The following ECPAS variants were observed in gnomAD, a reference collection of about 807,000 sequenced individuals.
ECPAS encodes proteasome adapter and scaffold protein ECM29.
Under a neutral mutation model 255.1 loss-of-function variants are expected in ECPAS, and 70 were observed. That is an observed-to-expected ratio of 0.27 (90% CI 0.23 to 0.33). The LOEUF is 0.33. Among genes scored for constraint, ECPAS ranks in the 10% least tolerant of loss-of-function variants. The pLI, the probability that ECPAS is intolerant of heterozygous loss-of-function variation, is 1.00. For synonymous variants in ECPAS, 784 were observed against 775.0 expected, an observed-to-expected ratio of 1.01 and a Z score of -0.19; for missense variants, 1,817 against 2,206.4, an observed-to-expected ratio of 0.82 and a Z score of 3.54.
chr9:111,378,348 A>G (rs2098136022), intron 36 of ECPAS, among the ~76,000 whole-genome samples: 1 of 152,160 alleles, frequency 6.6e-6, no homozygotes, highest in African/African-American at 2.4e-5. Context: ...ACAAAAAACT[A>G]TGTTAAACAA....
rs529450641 is a variant in ECPAS, at chr9:111,424,064, A to G, written c.1216-816T>C. On this transcript the variant is annotated intron_variant, in intron 12 of 49. Transcript: ENST00000684092. ...AGCTTCTCCCCAAGAGCCCCAGAAC[A>G]TTTTCATTTCTACCAATGACTCTAA... is the stretch of plus-strand genomic sequence containing the variant. Among the ~76,000 whole-genome samples, 5 of 152,228 alleles carry G rather than the reference A, an allele frequency of 3.3e-5. No homozygotes were observed. The South Asian group carries it at 8.3e-4, about 25-fold the overall frequency.
At chr9:111,463,097 T>C (rs72609710) in intron 2 of ECPAS, among the ~76,000 whole-genome samples, 12,214 of 152,150 alleles carry the variant, frequency 0.08, 574 homozygotes, top group East Asian at 0.21. Flanking sequence ...ACCCCCAAAT[T>C]TCCATGGCTT....
chr9:111,425,809 A>T lies in ECPAS; in HGVS notation c.1070T>A (p.Phe357Tyr). The change falls in exon 11 of 50, where the codon TTT becomes TAT. Residue 357 changes from phenylalanine (F) to tyrosine (Y), a missense_variant. By Grantham distance (22) the Phe-to-Tyr change is conservative. Coordinates refer to ENST00000684092, the MANE Select transcript of ECPAS (RefSeq NM_001364929.1). ...ANIQVVYDGLFGTNTNSKLRT... is the reference protein window; with the variant it reads ...ANIQVVYDGLYGTNTNSKLRT... ...TAACTTTGAATTTGTATTTGTACCAAAAAGTCCATCATACACCACCTATGT... is the reference window on the plus strand; with the variant it reads ...TAACTTTGAATTTGTATTTGTACCATAAAGTCCATCATACACCACCTATGT... The T allele has an allele frequency of 6.4e-7, 1 of 1,573,954 alleles. No homozygotes were observed. The highest frequency in any genetic ancestry group is 8.7e-7 in the Non-Finnish European group (1 of 1,147,502).
Position 111,422,199 on chromosome 9 carries a change from G to C in ECPAS, c.1267C>G (p.Arg423Gly). The C allele has an allele frequency of 6.2e-7, 1 of 1,612,116 alleles. No homozygotes were observed. Among genetic ancestry groups the C allele is most frequent in the Non-Finnish European group, 8.5e-7 (1 of 1,178,802 alleles). The change falls in exon 14 of 50, where the codon CGG becomes GGG. Residue 423 changes from arginine to glycine, a missense_variant and splice_region_variant. Arg to Gly is a moderately radical substitution (Grantham distance 125). Transcript: ENST00000684092. ...AYSAVGKLSS[R>G]MPHLFTKDIA... ...TCCTTAGTGAATAAATGTGGCATCC[G>C]ACTGCAAAAGAATGTAAAAATATTG... is the stretch of plus-strand genomic sequence containing the variant.
At chr9:111,418,099 T>A in intron 16 of ECPAS, 93 bp from the exon 17 acceptor site, 1 of 1,180,224 alleles carries the variant, frequency 8.5e-7, no homozygotes, top group Non-Finnish European at 1.2e-6. Context: ...ATTTGGCAGC[T>A]AGAGTTCTCA....
intron 7 of ECPAS, 149 bp downstream of exon 7, chr9:111,436,791 G>A: frequency 1.5e-6 from 1 of 660,108 alleles, no homozygotes. Context: ...TAACTAGCAT[G>A]AAAAGAACAC....
chr9:111,470,316 CT>C (rs1011956272), intron 2 of ECPAS, among the ~76,000 whole-genome samples: 676 of 143,144 alleles, frequency 4.7e-3, no homozygotes, highest in Middle Eastern at 7.2e-3. Context: ...TTTCCCTGGC[CT>C]TTTTTTTTTT....
intron 1 of ECPAS, chr9:111,483,587 C>G (rs2098310355): frequency 4.5e-6 from 2 of 449,172 alleles, no homozygotes; most frequent in African/African-American, 2.2e-5. Context: ...GGGGGCAGGG[C>G]GCGGCCGGGG....
intron 37 of ECPAS, among the ~76,000 whole-genome samples, chr9:111,375,477 A>C (rs2131528776): frequency 6.6e-6 from 1 of 152,320 alleles, no homozygotes; most frequent in South Asian, 2.1e-4. Flanking sequence ...AGAATGAAGA[A>C]TCTTTCTGGG....
chr9:111,450,139 A>G (rs566661164), intron 3 of ECPAS, among the ~76,000 whole-genome samples: 63 of 152,232 alleles, frequency 4.1e-4, no homozygotes, highest in African/African-American at 1.3e-3. Context: ...ATCATTCATC[A>G]CCATATCCCC....
At chr9:111,367,865 T>C (rs1019590326) in intron 46 of ECPAS, among the ~76,000 whole-genome samples, 13 of 151,652 alleles carry the variant, frequency 8.6e-5, no homozygotes, top group African/African-American at 2.4e-4. Context: ...CTGGGCAACA[T>C]AGCAAGACCT....
At chr9:111,421,897 GCTT>G (rs766635984) in intron 15 of ECPAS, 21 bp downstream of exon 15, 1 of 1,609,452 alleles carries the variant, frequency 6.2e-7, no homozygotes, top group Non-Finnish European at 8.5e-7. Context: ...TACTACCCAG[GCTT>G]TGTAGTTCAC....
chr9:111,430,022 T>C (rs911263004), intron 9 of ECPAS, among the ~76,000 whole-genome samples: 40 of 152,352 alleles, frequency 2.6e-4, no homozygotes, highest in Middle Eastern at 3.4e-3. Flanking sequence ...GTCTGCAAAC[T>C]ATAGCCCACA....
chr9:111,464,401 G>A (rs2098276766), intron 2 of ECPAS, among the ~76,000 whole-genome samples: 1 of 148,806 alleles, frequency 6.7e-6, no homozygotes, highest in African/African-American at 2.5e-5. Context: ...CTGCACTCCA[G>A]CATGGGCAAC....
intron 16 of ECPAS, among the ~76,000 whole-genome samples, chr9:111,419,801 AATGT>A (rs1364443120): frequency 6.7e-6 from 1 of 149,670 alleles, no homozygotes; most frequent in Non-Finnish European, 1.5e-5. Flanking sequence ...ATATCTACAT[AATGT>A]ATATTATATA....
At chr9:111,463,656 A>G (rs1371706483) in intron 2 of ECPAS, among the ~76,000 whole-genome samples, 1 of 152,222 alleles carries the variant, frequency 6.6e-6, no homozygotes, top group Admixed American at 6.5e-5. Context: ...AAATCAATAG[A>G]TTAAAACAGA....
At position 111,410,161 on chromosome 9, in the gene ECPAS, G is replaced by C; in HGVS notation, c.2430C>G (p.Ala810=). ...GACCATTTCTGCCAATTTCACCCAG[G>C]GCTGTGCAGGCAGCAATTGCCAGGA... ...SPLLAIAACT[A]LGEIGRNGPL... The change falls in exon 23 of 50, where the codon GCC becomes GCG. Residue 810 remains alanine, a synonymous_variant. Transcript: ENST00000684092. 1 of 1,613,130 alleles carries C rather than the reference G, an allele frequency of 6.2e-7. No individual in the cohort carries two copies. Among genetic ancestry groups the C allele is most frequent in the Non-Finnish European group, 8.5e-7 (1 of 1,179,604 alleles).
intron 1 of ECPAS, chr9:111,483,574 TGGGGGGGCA>T: frequency 3.9e-5 from 6 of 153,026 alleles, no homozygotes; most frequent in Non-Finnish European, 6.5e-5. Flanking sequence ...AGGGAGGGGC[TGGGGGGGCA>T]GGGCGCGGCC....
At chr9:111,411,409 G>C (rs3818719) in intron 21 of ECPAS, among the ~76,000 whole-genome samples, 2 of 151,976 alleles carry the variant, frequency 1.3e-5, no homozygotes, top group Non-Finnish European at 2.9e-5. Flanking sequence ...TCCAATTCCG[G>C]GTGAGATGAC....
Sources: allele counts gnomAD v4.1 joint callset (sites outside exome capture counted in the v4.1 genomes callset), GRCh38; gene constraint gnomAD v4.1.1; transcripts MANE v1.5; gene names NCBI Gene and HGNC (gene_info 2026-07-23, HGNC 2026-07-21).